Variants in TRAPPC10 observed in about 807,000 individuals in gnomAD.
The protein encoded by TRAPPC10 is trafficking protein particle complex subunit 10.
TRAPPC10 carries 23 observed loss-of-function variants against 125.5 expected under a neutral mutation model. The ratio of observed to expected loss-of-function variants is 0.18; its 90% CI spans 0.13 to 0.26. The LOEUF (loss-of-function observed/expected upper bound fraction) is 0.26, where lower values mean the gene tolerates loss of function less well. Among genes scored for constraint, TRAPPC10 ranks in the 10% least tolerant of loss-of-function variants. The pLI is 1.00. For synonymous variants in TRAPPC10, 509 were observed against 518.0 expected (o/e 0.98, Z 0.24); for missense variants, 1,123 against 1,308.4 (o/e 0.86, Z 2.19).
rs112687583 is a variant in TRAPPC10 at position 44,083,516 on chromosome 21, C to T, written c.2238+214C>T. ...GATAAATTCTGAGTGAAGTTCTTAA[C>T]GTAGATATTTGTTCTTAGATTAAGT... On this transcript the variant is annotated intron_variant, in intron 14 of 22. Coordinates refer to ENST00000291574, the MANE Select transcript of TRAPPC10 (RefSeq NM_003274.5). Among the ~76,000 whole-genome samples the T allele has an allele frequency of 2.8e-3, 424 of 152,254 alleles. 3 individuals carry two copies. The highest frequency in any genetic ancestry group is 6.9e-3 in the African/African-American group (288 of 41,546).
chr21:44,078,239 G>T (rs1363570992), intron 11 of TRAPPC10, among the ~76,000 whole-genome samples: 1 of 152,106 alleles, frequency 6.6e-6, no homozygotes, highest in Non-Finnish European at 1.5e-5. Flanking sequence ...AAGAAGGTGT[G>T]TACAAAGACT....
chr21:44,073,686 A>G (rs1274562179), intron 7 of TRAPPC10, among the ~76,000 whole-genome samples: 2 of 152,204 alleles, frequency 1.3e-5, no homozygotes, highest in Non-Finnish European at 1.5e-5. Flanking sequence ...ACGTTTTTCA[A>G]ATACAGACAT....
intron 2 of TRAPPC10, among the ~76,000 whole-genome samples, chr21:44,037,443 A>T (rs1256444863): frequency 6.6e-6 from 1 of 152,198 alleles, no homozygotes; most frequent in African/African-American, 2.4e-5. Flanking sequence ...TTTGGGACAC[A>T]CTTTTCTTCT....
intron 20 of TRAPPC10, among the ~76,000 whole-genome samples, chr21:44,095,805 T>C (rs1020707954): frequency 6.6e-6 from 1 of 152,164 alleles, no homozygotes. Context: ...CCTGACCTCA[T>C]GATCCACCCC....
intron 2 of TRAPPC10, among the ~76,000 whole-genome samples, chr21:44,035,384 T>A (rs2033915588): frequency 6.6e-6 from 1 of 152,160 alleles, no homozygotes; most frequent in African/African-American, 2.4e-5. Context: ...CCTGTGATAT[T>A]CTGTTACAGC....
chr21:44,018,533 T>C (rs2032126297), intron 1 of TRAPPC10, among the ~76,000 whole-genome samples: 1 of 152,086 alleles, frequency 6.6e-6, no homozygotes, highest in African/African-American at 2.4e-5. Flanking sequence ...ACCCCGTCTC[T>C]ACTAAAAATA....
At chr21:44,042,549 TAATA>T (rs1418627474) in intron 3 of TRAPPC10, among the ~76,000 whole-genome samples, 6 of 152,384 alleles carry the variant, frequency 3.9e-5, no homozygotes, top group Non-Finnish European at 5.9e-5. Context: ...TTGTGTGACC[TAATA>T]AATGATCAGT....
At chr21:44,074,254 G>A (rs994442941) in intron 7 of TRAPPC10, 70 bp from the exon 8 acceptor site, 59 of 1,592,308 alleles carry the variant, frequency 3.7e-5, no homozygotes, top group Non-Finnish European at 5.1e-5. Flanking sequence ...TCAAGCTAGA[G>A]CATGTGGGTT....
chr21:44,059,142 G>A lies in TRAPPC10; in HGVS notation c.718G>A (p.Glu240Lys), dbSNP rs1318803400. The change falls in exon 6 of 23, where the codon GAG (glutamate) becomes AAG (lysine). Residue 240 changes from glutamate (E) to lysine (K), a missense_variant. Physicochemically the swap from Glu to Lys is moderately conservative, Grantham distance 56 (BLOSUM62 1). Around this residue, in one of 4 missense-constraint regions of TRAPPC10, gnomAD observed 91 missense variants for 127.1 expected, o/e 0.72. Transcript: ENST00000291574. The surrounding 1 kb of genome is among the most constrained non-coding windows in gnomAD (Gnocchi z 4.4). ...AFVFEMLQQF[E>K]DALVQYDELD... ...TGTTTTCGAGATGCTGCAGCAGTTC[G>A]AGGACGCCCTGGTGCAGTACGACGA... 4 of 1,607,372 alleles carry A rather than the reference G, an allele frequency of 2.5e-6. No individual in the cohort carries two copies. The highest frequency in any genetic ancestry group is 3.4e-6 in the Non-Finnish European group (4 of 1,177,164).
chr21:44,033,605 CA>C (rs2033988475), intron 2 of TRAPPC10, among the ~76,000 whole-genome samples: 2 of 152,150 alleles, frequency 1.3e-5, no homozygotes, highest in Admixed American at 1.3e-4. Flanking sequence ...TCACGCCTGT[CA>C]TCCAGACACT....
chr21:44,032,487 A>G (rs1314411688), intron 2 of TRAPPC10, among the ~76,000 whole-genome samples: 2 of 151,342 alleles, frequency 1.3e-5, no homozygotes, highest in Admixed American at 6.6e-5. Context: ...GGTTCAAGCA[A>G]TTCTCCTGCC....
chr21:44,091,518 C>T (rs1215498548), intron 18 of TRAPPC10, among the ~76,000 whole-genome samples: 1 of 152,204 alleles, frequency 6.6e-6, no homozygotes, highest in African/African-American at 2.4e-5. Flanking sequence ...CAGCTCACTG[C>T]AACCTCCACC....
intron 7 of TRAPPC10, among the ~76,000 whole-genome samples, chr21:44,064,508 T>TCA (rs1157702749): frequency 6.6e-6 from 1 of 152,070 alleles, no homozygotes; most frequent in Admixed American, 6.6e-5. Context: ...CCAAAACAAT[T>TCA]CACACACACA....
chr21:44,018,630 C>T (rs930526629), intron 1 of TRAPPC10, among the ~76,000 whole-genome samples: 1 of 148,106 alleles, frequency 6.8e-6, no homozygotes, highest in Admixed American at 6.9e-5. Flanking sequence ...ATCTGGGAGG[C>T]GGAGGTTGCA....
chr21:44,018,166 A>G (rs1405687719), intron 1 of TRAPPC10, among the ~76,000 whole-genome samples: 1 of 150,424 alleles, frequency 6.6e-6, no homozygotes, highest in African/African-American at 2.4e-5. Flanking sequence ...TTTTTTTCTT[A>G]AGTGCTGATG....
At chr21:44,077,838 G>T (rs1407331465) in intron 11 of TRAPPC10, 54 bp downstream of exon 11, 1 of 1,369,588 alleles carries the variant, frequency 7.3e-7, no homozygotes, top group Non-Finnish European at 1.0e-6. Flanking sequence ...AACACGAGAA[G>T]ATTTGTTATA....
In TRAPPC10 at chr21:44,075,092, A is replaced by G; in HGVS notation, c.1239A>G (p.Ser413=). The change falls in exon 9 of 23, where the codon TCA becomes TCG. Residue 413 remains serine, a synonymous_variant. Transcript: ENST00000291574. The stretch of plus-strand genomic sequence containing the variant: ...TTGTGTCAGAGAAAGGACCTAACTC[A>G]GAAGATCTCAACAGGACAGTTGACC... ...CGLVSEKGPN[S]EDLNRTVDLL... The G allele has an allele frequency of 6.2e-7, 1 of 1,614,252 alleles. No homozygotes were observed. Among genetic ancestry groups the G allele is most frequent in the Non-Finnish European group, 8.5e-7 (1 of 1,180,032 alleles).
chr21:44,063,015 ATG>A lies in TRAPPC10; in HGVS notation c.791-520_791-519del, dbSNP rs1569183505. 1 of 1,304,022 alleles carries A rather than the reference ATG, an allele frequency of 7.7e-7. No individual in the cohort carries two copies. Among genetic ancestry groups the A allele is most frequent in the East Asian group, 5.5e-5 (1 of 18,020 alleles). 80.8% of individuals were successfully genotyped at this position (1,304,022 alleles called of 1,614,324 possible). A position where few individuals can be genotyped will look rare whatever the true frequency, so the allele number is the denominator to read the frequency against. Reference sequence around the variant, plus strand: ...ACAAGCAGTAATTCTTTTTCCTTCTATGTGCTGCTACCAAGTCCTCCCTGTCC... The same window carrying A: ...ACAAGCAGTAATTCTTTTTCCTTCTATGCTGCTACCAAGTCCTCCCTGTCC... On this transcript the variant is annotated intron_variant, in intron 6 of 22. Coordinates refer to ENST00000291574, the MANE Select transcript of TRAPPC10 (RefSeq NM_003274.5). This position sits in a 1 kb window ranked among gnomAD's most constrained non-coding sequence, Gnocchi z 4.4.
intron 7 of TRAPPC10, among the ~76,000 whole-genome samples, chr21:44,072,625 G>C (rs1398896699): frequency 6.6e-6 from 1 of 152,028 alleles, no homozygotes; most frequent in Non-Finnish European, 1.5e-5. Context: ...CACCACACCC[G>C]GCTAATTTTT....
Sources: gnomAD v4.1 joint callset for allele counts (sites outside exome capture counted in the v4.1 genomes callset) on GRCh38, gnomAD v4.1.1 for gene constraint, gnomAD v4.1.1 regional missense constraint, Gnocchi (gnomAD v3.1) non-coding constraint, MANE v1.5 for transcripts, NCBI Gene and HGNC (gene_info 2026-07-23, HGNC 2026-07-21) for gene names.